Variants in DLGAP2 observed in about 807,000 individuals in gnomAD.
DLGAP2 encodes disks large-associated protein 2.
In DLGAP2, 26 loss-of-function variants were observed where a neutral mutation model predicts 100.3. The observed-to-expected ratio is 0.26, with a 90% CI of 0.19 to 0.36. The LOEUF (loss-of-function observed/expected upper bound fraction) is 0.36. Among genes scored for constraint, DLGAP2 ranks in the 10% least tolerant of loss-of-function variants. The pLI is 1.00. For synonymous variants in DLGAP2, 886 were observed against 630.1 expected (o/e 1.41, Z -6.08); for missense variants, 1,858 against 1,453.2 (o/e 1.28, Z -4.53).
At chr8:1,325,439 G>A (rs543793572) in intron 3 of DLGAP2, among the ~76,000 whole-genome samples, 4 of 152,336 alleles carry the variant, frequency 2.6e-5, no homozygotes, top group South Asian at 2.1e-4. Flanking sequence ...CTGCTGTAGC[G>A]CGTTTTTGAA....
intron 2 of DLGAP2, among the ~76,000 whole-genome samples, chr8:1,066,531 T>C (rs1370702382): frequency 6.8e-6 from 1 of 148,140 alleles, no homozygotes; most frequent in African/African-American, 2.5e-5. Flanking sequence ...CACGGTCAGG[T>C]CTGAGTGAGG....
intron 1 of DLGAP2, 95 bp from the exon 2 acceptor site, chr8:907,817 C>A: frequency 2.5e-6 from 1 of 396,678 alleles, no homozygotes. Context: ...CAACATTGAA[C>A]TACCTTATTA....
chr8:750,052 C>G (rs188634966), intron 1 of DLGAP2, among the ~76,000 whole-genome samples: 2 of 152,378 alleles, frequency 1.3e-5, no homozygotes, highest in Admixed American at 1.3e-4. Flanking sequence ...GGGTTATCCC[C>G]TCATCAAAGA....
At chr8:806,018 T>G (rs1796262013) in intron 1 of DLGAP2, among the ~76,000 whole-genome samples, 1 of 152,234 alleles carries the variant, frequency 6.6e-6, no homozygotes, top group Admixed American at 6.5e-5. Context: ...AAAGATAGAA[T>G]GATGCATTTT....
At chr8:1,344,008 T>C (rs185993270) in intron 3 of DLGAP2, among the ~76,000 whole-genome samples, 64 of 152,176 alleles carry the variant, frequency 4.2e-4, no homozygotes, top group African/African-American at 1.5e-3. Flanking sequence ...AACGTCCTAT[T>C]CACAGATGTT....
At chr8:1,444,615 C>T (rs1283984530) in intron 3 of DLGAP2, among the ~76,000 whole-genome samples, 1 of 152,084 alleles carries the variant, frequency 6.6e-6, no homozygotes, top group Non-Finnish European at 1.5e-5. Context: ...ACCTCCTTCT[C>T]CATCATCCCT....
At chr8:1,284,395 G>A (rs1799880901) in intron 3 of DLGAP2, among the ~76,000 whole-genome samples, 1 of 152,116 alleles carries the variant, frequency 6.6e-6, no homozygotes, top group African/African-American at 2.4e-5. Flanking sequence ...AGTAATTGAG[G>A]TGCAGCACGG....
At chr8:1,379,327 G>T (rs532312537) in intron 3 of DLGAP2, among the ~76,000 whole-genome samples, 2 of 152,266 alleles carry the variant, frequency 1.3e-5, no homozygotes, top group Non-Finnish European at 2.9e-5. Flanking sequence ...CCTAAGAGCC[G>T]CGTCTTTGCT....
intron 3 of DLGAP2, among the ~76,000 whole-genome samples, chr8:1,484,615 A>G (rs1217043732): frequency 6.6e-6 from 1 of 152,260 alleles, no homozygotes; most frequent in South Asian, 2.1e-4. Flanking sequence ...GGTAAAACCA[A>G]TTCAGACCCA....
chr8:1,479,006 C>T (rs1799014740), intron 3 of DLGAP2, among the ~76,000 whole-genome samples: 1 of 152,226 alleles, frequency 6.6e-6, no homozygotes. Context: ...AATTTATTAG[C>T]ATTTCACAAA....
At chr8:1,468,354 T>G (rs2130186793) in intron 3 of DLGAP2, among the ~76,000 whole-genome samples, 1 of 151,950 alleles carries the variant, frequency 6.6e-6, no homozygotes, top group Non-Finnish European at 1.5e-5. Flanking sequence ...GGGCTGGTCC[T>G]GAGTCCCCAG....
intron 2 of DLGAP2, among the ~76,000 whole-genome samples, chr8:1,163,561 C>T (rs930914009): frequency 4.6e-5 from 7 of 152,322 alleles, no homozygotes; most frequent in Admixed American, 1.3e-4. Flanking sequence ...GAGCAAGGTG[C>T]TTTTGGGGCA....
chr8:1,125,030 C>G (rs1796133941), intron 2 of DLGAP2, among the ~76,000 whole-genome samples: 2 of 152,236 alleles, frequency 1.3e-5, no homozygotes, highest in African/African-American at 4.8e-5. Context: ...CCAGCACCTC[C>G]TCGTTCAGGG....
intron 1 of DLGAP2, among the ~76,000 whole-genome samples, chr8:887,623 C>G (rs1797947855): frequency 6.6e-6 from 1 of 152,184 alleles, no homozygotes; most frequent in Non-Finnish European, 1.5e-5. Context: ...ATTTCTCCTT[C>G]ACTTATGAAG....
rs530769915 is a variant in DLGAP2 at position 800,801 on chromosome 8, A to C, written c.18+62976A>C. On this transcript the variant is annotated intron_variant, in intron 1 of 14. Transcript: ENST00000637795. ...ATGTTTTCTGAGAGTGGGGTTGTGCAGGCAGGGCTGTGACATTTGCTGAGA... is the reference window on the plus strand; with the variant it reads ...ATGTTTTCTGAGAGTGGGGTTGTGCCGGCAGGGCTGTGACATTTGCTGAGA... 3.9e-5 allele frequency among the ~76,000 whole-genome samples: 6 copies of C among 152,190 alleles called. No homozygotes were observed. In the South Asian group the frequency reaches 1.2e-3, roughly 32 times the overall value.
intron 1 of DLGAP2, among the ~76,000 whole-genome samples, chr8:835,107 T>C (rs1380525759): frequency 6.6e-6 from 1 of 152,102 alleles, no homozygotes; most frequent in Non-Finnish European, 1.5e-5. Context: ...GCATGGGTGT[T>C]TGTGGAGGGG....
At chr8:1,165,527 C>T (rs912979793) in intron 2 of DLGAP2, among the ~76,000 whole-genome samples, 8 of 152,342 alleles carry the variant, frequency 5.3e-5, no homozygotes, top group Admixed American at 3.9e-4. Flanking sequence ...TGGTGATTTG[C>T]ATGGCATGTG....
At chr8:787,105 T>C (rs1821886934) in intron 1 of DLGAP2, among the ~76,000 whole-genome samples, 1 of 152,218 alleles carries the variant, frequency 6.6e-6, no homozygotes, top group African/African-American at 2.4e-5. Flanking sequence ...CTGACGATGC[T>C]TTATTCAATT....
At chr8:1,326,279 A>C (rs1332019778) in intron 3 of DLGAP2, among the ~76,000 whole-genome samples, 3 of 152,224 alleles carry the variant, frequency 2.0e-5, no homozygotes, top group Non-Finnish European at 4.4e-5. Context: ...GAAATTAGAC[A>C]ATCTGTATTT....
Sources: allele counts gnomAD v4.1 joint callset (sites outside exome capture counted in the v4.1 genomes callset), GRCh38; gene constraint gnomAD v4.1.1; transcripts MANE v1.5; gene names NCBI Gene and HGNC (gene_info 2026-07-23, HGNC 2026-07-21).